Variants in HS6ST2 observed in about 807,000 individuals in gnomAD.
HS6ST2 encodes the protein heparan-sulfate 6-O-sulfotransferase 2.
In HS6ST2, 17 loss-of-function variants were observed where a neutral mutation model predicts 33.0. That is an observed-to-expected ratio of 0.52 (90% CI 0.35 to 0.77). The LOEUF is 0.77. HS6ST2 is among the 30% of genes least tolerant of loss of function. The probability of loss-of-function intolerance (pLI) is 0.01; values close to 1 mark genes in which losing one functional copy is unlikely to be tolerated. For synonymous variants in HS6ST2, 248 were observed against 237.1 expected (o/e 1.05, Z -0.42); for missense variants, 519 against 551.7 (o/e 0.94, Z 0.59).
rs1161077719 is a variant in HS6ST2 at position 132,626,373 on chromosome X, T to C, written c.*1850A>G. On this transcript the variant is annotated 3_prime_UTR_variant, in exon 5 of 5. Coordinates refer to ENST00000370833, the MANE Select transcript of HS6ST2 (RefSeq NM_001394073.1). ...TGAAATACCATAGTGATCTACTAAC[T>C]ATTTTAAAAACACAATTGTACACAA... The C allele has an allele frequency of 4.4e-5, 5 of 112,903 alleles. No homozygotes were observed. Among genetic ancestry groups the C allele is most frequent in the Non-Finnish European group, 9.4e-5 (5 of 53,347 alleles). 9.3% of individuals were successfully genotyped at this position (112,903 alleles called of 1,213,427 possible). A position where few individuals can be genotyped will look rare whatever the true frequency, so the allele number is the denominator to read the frequency against.
At chrX:132,684,599 T>C (rs1308276399) in intron 3 of HS6ST2, among the ~76,000 whole-genome samples, 1 of 110,232 alleles carries the variant, frequency 9.1e-6, no homozygotes, top group African/African-American at 3.3e-5. Context: ...CATGGGACAA[T>C]AGGAAGGATT....
chrX:132,894,320 T>C (rs1216699247), intron 2 of HS6ST2, among the ~76,000 whole-genome samples: 5 of 107,770 alleles, frequency 4.6e-5, no homozygotes, highest in Admixed American at 1.0e-4. Flanking sequence ...TTTGTATTTT[T>C]AGTAGAGATG....
At chrX:132,911,637 T>C (rs1204307535) in intron 2 of HS6ST2, among the ~76,000 whole-genome samples, 1 of 101,347 alleles carries the variant, frequency 9.9e-6, no homozygotes, top group African/African-American at 3.9e-5. Flanking sequence ...GAGCACACAC[T>C]CTTTTTTTTT....
intron 2 of HS6ST2, among the ~76,000 whole-genome samples, chrX:132,853,222 T>C (rs1255722604): frequency 8.9e-6 from 1 of 111,895 alleles, no homozygotes; most frequent in Non-Finnish European, 1.9e-5. Flanking sequence ...GATGCAATCA[T>C]AGCTCACTGC....
chrX:132,930,107 C>T (rs1003643444), intron 2 of HS6ST2, among the ~76,000 whole-genome samples: 3 of 111,061 alleles, frequency 2.7e-5, no homozygotes, highest in Admixed American at 9.5e-5. Context: ...GTAGCCCATT[C>T]TGGGAAGCTT....
At chrX:132,956,782 C>T in intron 2 of HS6ST2, 26 bp downstream of exon 2, 2 of 1,143,367 alleles carry the variant, frequency 1.7e-6, no homozygotes, top group South Asian at 4.0e-5. Context: ...GGCCCGGGTC[C>T]CGCTCGACTA....
chrX:132,904,606 C>T (rs1291216241), intron 2 of HS6ST2, among the ~76,000 whole-genome samples: 1 of 107,458 alleles, frequency 9.3e-6, no homozygotes, highest in Non-Finnish European at 1.9e-5. Flanking sequence ...TGCAGTGGCA[C>T]AACCTCGAAC....
chrX:132,844,877 G>A (rs1723448307), intron 2 of HS6ST2, among the ~76,000 whole-genome samples: 1 of 110,126 alleles, frequency 9.1e-6, no homozygotes, highest in South Asian at 3.9e-4. Flanking sequence ...CAGCATTTCA[G>A]AGGCATCTAC....
intron 2 of HS6ST2, among the ~76,000 whole-genome samples, chrX:132,828,849 TA>T (rs751047018): frequency 8.6e-4 from 89 of 103,073 alleles, no homozygotes; most frequent in African/African-American, 2.6e-3. Flanking sequence ...TTTAAGTATA[TA>T]AATATATATA....
chrX:132,848,964 T>TA (rs1425956005), intron 2 of HS6ST2, among the ~76,000 whole-genome samples: 1 of 111,128 alleles, frequency 9.0e-6, no homozygotes, highest in African/African-American at 3.3e-5. Flanking sequence ...CTTGAGCTAG[T>TA]AAAAAAAATT....
chrX:132,671,895 T>A (rs974580299), intron 3 of HS6ST2, among the ~76,000 whole-genome samples: 2 of 111,919 alleles, frequency 1.8e-5, no homozygotes, highest in Non-Finnish European at 3.8e-5. Context: ...GAAGAACTTG[T>A]GGCTGGCTTG....
chrX:132,945,927 C>G (rs1001265759), intron 2 of HS6ST2, among the ~76,000 whole-genome samples: 1 of 109,396 alleles, frequency 9.1e-6, no homozygotes, highest in Non-Finnish European at 1.9e-5. Context: ...TGCAGCACAC[C>G]AACATGGCAC....
chrX:132,957,404 C>T (rs2067093495), intron 1 of HS6ST2, 78 bp from the exon 2 acceptor site: 1 of 1,028,323 alleles, frequency 9.7e-7, no homozygotes, highest in Admixed American at 3.6e-5. Context: ...GCCCCCTTCC[C>T]CTGGAGCCGC....
intron 2 of HS6ST2, among the ~76,000 whole-genome samples, chrX:132,720,687 C>G (rs1045328220): frequency 9.4e-6 from 1 of 106,891 alleles, no homozygotes; most frequent in Non-Finnish European, 1.9e-5. Flanking sequence ...ACACATTGCA[C>G]TTATAAAGAC....
chrX:132,645,357 A>G, intron 4 of HS6ST2, among the ~76,000 whole-genome samples: 1 of 112,722 alleles, frequency 8.9e-6, no homozygotes, highest in Non-Finnish European at 1.9e-5. Context: ...GCCTGCTTCA[A>G]TAGTCATAAT....
At chrX:132,831,341 C>T (rs143218476) in intron 2 of HS6ST2, among the ~76,000 whole-genome samples, 1,139 of 111,216 alleles carry the variant, frequency 0.01, 11 homozygotes, top group African/African-American at 0.035. Flanking sequence ...ACCCTGGCAT[C>T]GGTCTTCTAA....
chrX:132,812,405 A>AAATAAT (rs55880539), intron 2 of HS6ST2, among the ~76,000 whole-genome samples: 6,096 of 84,795 alleles, frequency 0.072, 239 homozygotes, highest in Middle Eastern at 0.085. Flanking sequence ...ACTCTGTCTC[A>AAATAAT]AATAATAATA....
chrX:132,631,621 A>C (rs1387333811), intron 4 of HS6ST2, among the ~76,000 whole-genome samples: 2 of 110,880 alleles, frequency 1.8e-5, no homozygotes, highest in Non-Finnish European at 3.8e-5. Flanking sequence ...AAAAAAAAGA[A>C]ATTTATTAAG....
intron 2 of HS6ST2, among the ~76,000 whole-genome samples, chrX:132,806,710 C>T (rs770112422): frequency 3.7e-5 from 4 of 109,230 alleles, no homozygotes; most frequent in Admixed American, 9.8e-5. Flanking sequence ...CCCTATGCCA[C>T]GAAACGGCAC....
Sources: gnomAD v4.1 joint callset for allele counts (sites outside exome capture counted in the v4.1 genomes callset) on GRCh38, gnomAD v4.1.1 for gene constraint, MANE v1.5 for transcripts, NCBI Gene and HGNC (gene_info 2026-07-23, HGNC 2026-07-21) for gene names.